The following CCDC40 variants were observed in gnomAD, a reference collection of about 807,000 sequenced individuals.
The protein encoded by CCDC40 is coiled-coil domain-containing protein 40.
Under a neutral mutation model 124.5 loss-of-function variants are expected in CCDC40, and 104 were observed. The observed-to-expected ratio is 0.84, with a 90% CI of 0.71 to 0.98. The LOEUF (loss-of-function observed/expected upper bound fraction) is 0.98. Ranked by LOEUF, CCDC40 falls within the 50% of genes least tolerant of loss-of-function variation. The pLI, the probability that CCDC40 is intolerant of heterozygous loss-of-function variation, is 0.00. For synonymous variants in CCDC40, 580 were observed against 602.9 expected, an observed-to-expected ratio of 0.96 and a Z score of 0.56; for missense variants, 1,463 against 1,503.9, an observed-to-expected ratio of 0.97 and a Z score of 0.45.
intron 17 of CCDC40, among the ~76,000 whole-genome samples, chr17:80,091,828 G>A (rs570575894): frequency 6.6e-6 from 1 of 151,896 alleles, no homozygotes; most frequent in Non-Finnish European, 1.5e-5. Context: ...GTCAAAGGGT[G>A]TATAAATTCT....
chr17:80,066,126 A>T lies in CCDC40; in HGVS notation c.1562+520A>T. The T allele has an allele frequency of 1.4e-6, 1 of 702,714 alleles. No homozygotes were observed. The highest frequency in any genetic ancestry group is 2.6e-6 in the Non-Finnish European group (1 of 384,892). 43.5% of individuals were successfully genotyped at this position (702,714 alleles called of 1,614,324 possible). A position where few individuals can be genotyped will look rare whatever the true frequency, so the allele number is the denominator to read the frequency against. On this transcript the variant is annotated intron_variant, in intron 10 of 19. Transcript: ENST00000397545. This position sits in a 1 kb window ranked among gnomAD's most constrained non-coding sequence, Gnocchi z 4.4. ...GCTGCCTTCATTCCTAAAACCACCC[A>T]GGGTGACCAGGTCTCGGGACGCGGA...
chr17:80,085,952 G>A, intron 13 of CCDC40, 51 bp from the exon 14 acceptor site: 1 of 1,531,500 alleles, frequency 6.5e-7, no homozygotes, highest in Non-Finnish European at 9.0e-7. Context: ...TTACAGGCGT[G>A]AGTCACTGCG....
chr17:80,045,142 G>A (rs943837119), intron 3 of CCDC40, among the ~76,000 whole-genome samples: 1 of 152,240 alleles, frequency 6.6e-6, no homozygotes, highest in Non-Finnish European at 1.5e-5. Context: ...GCATGGGCTG[G>A]AGACAGAGAC....
chr17:80,059,566 T>G (rs965907834), intron 9 of CCDC40, among the ~76,000 whole-genome samples: 2 of 148,618 alleles, frequency 1.3e-5, no homozygotes, highest in Non-Finnish European at 3.0e-5. Flanking sequence ...ACAATTAACT[T>G]TTTTTTTTTT....
At chr17:80,095,572 T>A in intron 18 of CCDC40, 121 bp downstream of exon 18, 1 of 895,078 alleles carries the variant, frequency 1.1e-6, no homozygotes, top group East Asian at 2.6e-5. Context: ...GGGGGCGTGC[T>A]CAGCACTGCT....
At chr17:80,068,650 T>C (rs1015670926) in intron 10 of CCDC40, among the ~76,000 whole-genome samples, 5 of 152,040 alleles carry the variant, frequency 3.3e-5, no homozygotes, top group African/African-American at 1.2e-4. Flanking sequence ...TGGGCATTTC[T>C]GGAGCCTTCA....
At chr17:80,055,007 A>C (rs2037701388) in intron 7 of CCDC40, among the ~76,000 whole-genome samples, 1 of 152,060 alleles carries the variant, frequency 6.6e-6, no homozygotes, top group Non-Finnish European at 1.5e-5. Context: ...AAATAAAACA[A>C]AATACAAGGA....
At chr17:80,038,291 G>GATT in intron 2 of CCDC40, 105 bp downstream of exon 2, 1 of 769,976 alleles carries the variant, frequency 1.3e-6, no homozygotes, top group Non-Finnish European at 2.2e-6. Context: ...AACACTTTGG[G>GATT]AGGCCAAGGC....
intron 5 of CCDC40, 146 bp downstream of exon 5, chr17:80,048,907 A>C: frequency 2.5e-6 from 2 of 794,624 alleles, no homozygotes; most frequent in South Asian, 2.9e-5. Context: ...ATTGGCACTG[A>C]TTGACCTGCC....
intron 17 of CCDC40, among the ~76,000 whole-genome samples, chr17:80,091,409 G>A (rs992346162): frequency 2.0e-5 from 3 of 152,100 alleles, no homozygotes; most frequent in East Asian, 1.9e-4. Flanking sequence ...TATGAGGGCC[G>A]AGAAGTCCTA....
At position 80,100,396 on chromosome 17, in the gene CCDC40, A is replaced by C. The variant is rs2038900307; in HGVS notation, c.*621A>C. 1 of 158,964 alleles carries C rather than the reference A, an allele frequency of 6.3e-6. No homozygotes were observed. The highest frequency in any genetic ancestry group is 5.9e-5 in the Admixed American group (1 of 16,834). The allele number at this position is 158,964 out of a possible 1,614,324, so 9.8% of individuals were successfully genotyped here. ...ACACACGTAACAGGGTGAGCACTGA[A>C]ATAAGAGCACGCTGGGGCGTCCACA... On this transcript the variant is annotated 3_prime_UTR_variant, in exon 20 of 20. Coordinates refer to ENST00000397545, the MANE Select transcript of CCDC40 (RefSeq NM_017950.4).
intron 7 of CCDC40, among the ~76,000 whole-genome samples, chr17:80,056,014 A>ATTTTTTTTTTTTTTTTT (rs1173801732): frequency 5.2e-4 from 7 of 13,446 alleles, no homozygotes; most frequent in Non-Finnish European, 7.4e-4. Context: ...ATATATATAT[A>ATTTTTTTTTTTTTTTTT]TATTTTTTTT....
intron 17 of CCDC40, among the ~76,000 whole-genome samples, chr17:80,093,858 C>T (rs1015615952): frequency 1.3e-5 from 2 of 152,052 alleles, no homozygotes; most frequent in Non-Finnish European, 2.9e-5. Context: ...CTTATACATT[C>T]GGTTATTAAC....
intron 10 of CCDC40, chr17:80,067,569 T>C (rs1225046674): frequency 3.0e-5 from 46 of 1,535,272 alleles, no homozygotes; most frequent in Non-Finnish European, 3.8e-5. Flanking sequence ...TTCTACCACA[T>C]GGCATTCCGC....
In CCDC40 at chr17:80,086,309, C is replaced by A; in HGVS notation, c.2449+93C>A. 1 of 1,048,000 alleles carries A rather than the reference C, an allele frequency of 9.5e-7. No individual in the cohort carries two copies. Among genetic ancestry groups the A allele is most frequent in the Non-Finnish European group, 1.4e-6 (1 of 692,364 alleles). 64.9% of individuals were successfully genotyped at this position (1,048,000 alleles called of 1,614,324 possible). A position where few individuals can be genotyped will look rare whatever the true frequency, so the allele number is the denominator to read the frequency against. ...GGGAGGGGCACTCAGTGGGGCACGT[C>A]GCTGGATTTGCACGCAGCCTTAAAA... is the stretch of plus-strand genomic sequence containing the variant. On this transcript the variant is annotated intron_variant, in intron 14 of 19. Coordinates refer to ENST00000397545, the MANE Select transcript of CCDC40 (RefSeq NM_017950.4). This position sits in a 1 kb window ranked among gnomAD's most constrained non-coding sequence, Gnocchi z 5.5.
chr17:80,074,897 C>A (rs576054224), intron 10 of CCDC40, among the ~76,000 whole-genome samples: 2 of 152,016 alleles, frequency 1.3e-5, no homozygotes, highest in East Asian at 1.9e-4. Context: ...TAAGGATATT[C>A]GTGATTCATG....
Position 80,058,336 on chromosome 17 carries a change from T to G in CCDC40, c.1160-158T>G, listed in dbSNP as rs564813836. Among the ~76,000 whole-genome samples the G allele has an allele frequency of 6.6e-6, 1 of 152,342 alleles. No individual in the cohort carries two copies. Among genetic ancestry groups the G allele is most frequent in the South Asian group, 2.1e-4 (1 of 4,832 alleles). On this transcript the variant is annotated intron_variant, in intron 7 of 19. Transcript: ENST00000397545. This position sits in a 1 kb window ranked among gnomAD's most constrained non-coding sequence, Gnocchi z 4.2. ...ACTCTTTGCTGACAAAGTCTGTGTC[T>G]TGATAGTTTAAAAGCAGTTTCCCAG...
rs757076408 is a variant in CCDC40 at position 80,048,682 on chromosome 17, CAG to C, written c.783_784del (p.Arg261SerfsTer7). ...CCCAGCACCGAGGAGGGGGCCATGG[CAG>C]AGAGAGTGGAGTCCGAGGGGAGTGA... On this transcript the variant is annotated frameshift_variant, in exon 5 of 20. Coordinates refer to ENST00000397545, the MANE Select transcript of CCDC40 (RefSeq NM_017950.4). LOFTEE classifies it high-confidence loss of function. 3 of 1,613,930 alleles carry C rather than the reference CAG, an allele frequency of 1.9e-6. No individual in the cohort carries two copies. The highest frequency in any genetic ancestry group is 1.7e-5 in the Admixed American group (1 of 59,998).
intron 9 of CCDC40, among the ~76,000 whole-genome samples, chr17:80,062,668 C>A (rs1177599386): frequency 6.6e-6 from 1 of 152,118 alleles, no homozygotes; most frequent in Admixed American, 6.6e-5. Context: ...TAGCCTCAAA[C>A]TTCTGGGTCC....
Sources: allele counts gnomAD v4.1 joint callset (sites outside exome capture counted in the v4.1 genomes callset), GRCh38; gene constraint gnomAD v4.1.1; non-coding constraint Gnocchi (gnomAD v3.1); transcripts MANE v1.5; gene names NCBI Gene and HGNC (gene_info 2026-07-23, HGNC 2026-07-21).